PROK2: variants seen among roughly 807,000 people sequenced by gnomAD.
The protein encoded by PROK2 is prokineticin 2, also known as prokineticin-2.
PROK2 carries 8 observed loss-of-function variants against 14.2 expected under a neutral mutation model. The ratio of observed to expected loss-of-function variants is 0.56; its 90% CI spans 0.33 to 1.02. The LOEUF is 1.02. PROK2 is among the 50% of genes least tolerant of loss of function. The pLI is 0.03. For synonymous variants in PROK2, 59 were observed against 60.7 expected, an observed-to-expected ratio of 0.97 and a Z score of 0.13; for missense variants, 154 against 160.4, an observed-to-expected ratio of 0.96 and a Z score of 0.22.
intron 1 of PROK2, among the ~76,000 whole-genome samples, chr3:71,784,688 G>A (rs543261950): frequency 1.3e-4 from 20 of 152,328 alleles, no homozygotes; most frequent in South Asian, 6.2e-4. Context: ...GGTGATGAGG[G>A]AGAAGTAAGC....
chr3:71,781,415 C>T, intron 2 of PROK2, 52 bp downstream of exon 2: 1 of 1,599,234 alleles, frequency 6.3e-7, no homozygotes, highest in African/African-American at 1.3e-5. Flanking sequence ...ACAGACCCTG[C>T]TCAGAGTTAC....
At chr3:71,777,077 C>T (rs926403552) in intron 2 of PROK2, among the ~76,000 whole-genome samples, 4 of 152,168 alleles carry the variant, frequency 2.6e-5, no homozygotes, top group Admixed American at 6.5e-5. Context: ...ACTGTATCAA[C>T]GTCAATATCC....
Position 71,772,403 on chromosome 3 carries a change from T to A in PROK2, c.*321A>T. ...AAAAAAAAGTTTTTCTAACAAAATA[T>A]CAAATTCTTATTTTCCTCATTTTTG... is the stretch of plus-strand genomic sequence containing the variant. On this transcript the variant is annotated 3_prime_UTR_variant, in exon 4 of 4. Coordinates refer to ENST00000295619, the MANE Select transcript of PROK2 (RefSeq NM_001126128.2). 3.5e-6 allele frequency: 1 copy of A among 284,378 alleles called. No individual in the cohort carries two copies. Among genetic ancestry groups the A allele is most frequent in the Non-Finnish European group, 6.6e-6 (1 of 151,742 alleles). 17.6% of individuals were successfully genotyped at this position (284,378 alleles called of 1,614,324 possible).
Position 71,772,654 on chromosome 3 carries a change from T to C in PROK2, c.*70A>G. 1 of 1,374,382 alleles carries C rather than the reference T, an allele frequency of 7.3e-7. No individual in the cohort carries two copies. Among genetic ancestry groups the C allele is most frequent in the South Asian group, 1.2e-5 (1 of 84,584 alleles). The allele number at this position is 1,374,382 out of a possible 1,614,324, so 85.1% of individuals were successfully genotyped here. A position where few individuals can be genotyped will look rare whatever the true frequency, so the allele number is the denominator to read the frequency against. ...ATTTCTTTCTGGCACATTTTTTGTT[T>C]GGCACAATCACAAGTAAGACTTTAC... is the stretch of plus-strand genomic sequence containing the variant. On this transcript the variant is annotated 3_prime_UTR_variant, in exon 4 of 4. Transcript: ENST00000295619.
At chr3:71,781,248 C>A (rs2050157592) in intron 2 of PROK2, among the ~76,000 whole-genome samples, 1 of 152,102 alleles carries the variant, frequency 6.6e-6, no homozygotes, top group African/African-American at 2.4e-5. Flanking sequence ...ACCATGAGAG[C>A]AGTAACATGA....
chr3:71,784,614 G>T (rs1377840945), intron 1 of PROK2, among the ~76,000 whole-genome samples: 1 of 152,214 alleles, frequency 6.6e-6, no homozygotes, highest in African/African-American at 2.4e-5. Flanking sequence ...AAAAGTACTT[G>T]AGAAGACTCA....
chr3:71,781,713 T>G, intron 1 of PROK2, 121 bp from the exon 2 acceptor site: 1 of 1,057,768 alleles, frequency 9.5e-7, no homozygotes, highest in South Asian at 1.4e-5. Context: ...AATAATCAGG[T>G]ATATTTTTTA....
At chr3:71,784,642 GCCT>G (rs2050196778) in intron 1 of PROK2, among the ~76,000 whole-genome samples, 1 of 152,184 alleles carries the variant, frequency 6.6e-6, no homozygotes, top group Non-Finnish European at 1.5e-5. Flanking sequence ...ACTTCTTTCA[GCCT>G]AACAGAAGAA....
intron 2 of PROK2, among the ~76,000 whole-genome samples, chr3:71,777,189 G>A (rs2108193063): frequency 6.6e-6 from 1 of 152,254 alleles, no homozygotes; most frequent in Non-Finnish European, 1.5e-5. Context: ...TTAGACTAAA[G>A]CCTATTTCTG....
chr3:71,780,997 T>C (rs1038392602), intron 2 of PROK2, among the ~76,000 whole-genome samples: 4 of 152,198 alleles, frequency 2.6e-5, no homozygotes, highest in Admixed American at 2.6e-4. Flanking sequence ...AGTCAAAATA[T>C]AGAATATTTA....
chr3:71,776,390 T>TTTTTTTTTTG (rs2050120295), intron 2 of PROK2, among the ~76,000 whole-genome samples: 1 of 86,758 alleles, frequency 1.2e-5, no homozygotes, highest in Non-Finnish European at 2.4e-5. Context: ...TTTTTTTTTT[T>TTTTTTTTTTG]GAGACAGAGT....
At chr3:71,780,732 G>A (rs1260421748) in intron 2 of PROK2, among the ~76,000 whole-genome samples, 1 of 152,116 alleles carries the variant, frequency 6.6e-6, no homozygotes, top group African/African-American at 2.4e-5. Context: ...CATGCCTTCT[G>A]CCTCCCACCC....
At chr3:71,782,369 G>C (rs544901316) in intron 1 of PROK2, among the ~76,000 whole-genome samples, 48 of 152,108 alleles carry the variant, frequency 3.2e-4, no homozygotes, top group Non-Finnish European at 5.1e-4. Flanking sequence ...CAAGTAACAG[G>C]TGCAATTGTC....
chr3:71,783,005 C>T (rs2050171470), intron 1 of PROK2, among the ~76,000 whole-genome samples: 1 of 152,146 alleles, frequency 6.6e-6, no homozygotes, highest in Admixed American at 6.5e-5. Context: ...AATAAGATGT[C>T]TAGTCAATGA....
chr3:71,775,534 G>A (rs13070279), intron 2 of PROK2, among the ~76,000 whole-genome samples: 19,726 of 152,196 alleles, frequency 0.13, 1,573 homozygotes, highest in South Asian at 0.33. Context: ...AAATCACATG[G>A]ATTGTGCGCC....
At position 71,772,604 on chromosome 3, in the gene PROK2, C is replaced by G. The variant is rs879055050; in HGVS notation, c.*120G>C. On this transcript the variant is annotated 3_prime_UTR_variant, in exon 4 of 4. Transcript: ENST00000295619. ...TTACAAATCAAAGATAAAAATGTTA[C>G]TTGGAAAGTTGAGGAAGCAAGAGCA... is the stretch of plus-strand genomic sequence containing the variant. 1.2e-6 allele frequency: 1 copy of G among 803,762 alleles called. No individual in the cohort carries two copies. Among genetic ancestry groups the G allele is most frequent in the Non-Finnish European group, 2.1e-6 (1 of 478,782 alleles). 49.8% of individuals were successfully genotyped at this position (803,762 alleles called of 1,614,324 possible). A position where few individuals can be genotyped will look rare whatever the true frequency, so the allele number is the denominator to read the frequency against.
intron 1 of PROK2, among the ~76,000 whole-genome samples, 162 bp from the exon 2 acceptor site, chr3:71,781,754 TA>T (rs1429621087): frequency 7.9e-5 from 12 of 152,352 alleles, no homozygotes; most frequent in African/African-American, 2.9e-4. Flanking sequence ...TGTATATAGC[TA>T]TTATAAAATC....
In PROK2 at chr3:71,772,713, C is replaced by G; in HGVS notation, c.*11G>C. The G allele has an allele frequency of 2.5e-6, 4 of 1,609,548 alleles. No homozygotes were observed. The highest frequency in any genetic ancestry group is 2.6e-6 in the Non-Finnish European group (3 of 1,175,852). ...TGTGGCTATTCACATTTGGTTTCTA[C>G]TCCAGAGCGATTACTTTTGGGCTAA... On this transcript the variant is annotated 3_prime_UTR_variant, in exon 4 of 4. Coordinates refer to ENST00000295619, the MANE Select transcript of PROK2 (RefSeq NM_001126128.2).
chr3:71,772,481 C>A lies in PROK2; in HGVS notation c.*243G>T. 9 of 421,514 alleles carry A rather than the reference C, an allele frequency of 2.1e-5. No individual in the cohort carries two copies. The highest frequency in any genetic ancestry group is 4.5e-5 in the South Asian group (1 of 22,026). The allele number at this position is 421,514 out of a possible 1,614,324, so 26.1% of individuals were successfully genotyped here. A position where few individuals can be genotyped will look rare whatever the true frequency, so the allele number is the denominator to read the frequency against. On this transcript the variant is annotated 3_prime_UTR_variant, in exon 4 of 4. Transcript: ENST00000295619. ...AGAAAAAAGCCAAATCAAACCAAAA[C>A]ACAAACAGGGAAATAAGAACCAGTT...
Sources: gnomAD v4.1 joint callset for allele counts (sites outside exome capture counted in the v4.1 genomes callset) on GRCh38, gnomAD v4.1.1 for gene constraint, MANE v1.5 for transcripts, NCBI Gene and HGNC (gene_info 2026-07-23, HGNC 2026-07-21) for gene names.